The following CA8 variants were observed in gnomAD, a reference collection of about 807,000 sequenced individuals.
CA8 encodes carbonic anhydrase-related protein.
Under a neutral mutation model 41.4 loss-of-function variants are expected in CA8, and 22 were observed. The observed-to-expected ratio is 0.53, with a 90% confidence interval of 0.38 to 0.76. CA8 has a LOEUF of 0.76. Ranked by LOEUF, CA8 falls within the 30% of genes least tolerant of loss-of-function variation. The pLI is 0.00. For missense variants in CA8, 270 were observed against 352.8 expected (o/e 0.77, Z 1.88); for synonymous variants, 121 against 130.6 (o/e 0.93, Z 0.50).
intron 2 of CA8, among the ~76,000 whole-genome samples, chr8:60,269,864 G>A (rs978557285): frequency 1.8e-4 from 28 of 152,312 alleles, no homozygotes; most frequent in South Asian, 1.0e-3. Flanking sequence ...GGTAGCAGGA[G>A]GGCATCCAGC....
At chr8:60,223,072 T>G (rs980488804) in intron 6 of CA8, among the ~76,000 whole-genome samples, 1 of 152,252 alleles carries the variant, frequency 6.6e-6, no homozygotes, top group African/African-American at 2.4e-5. Flanking sequence ...ATTTACCTAT[T>G]TCATATCTAA....
intron 3 of CA8, among the ~76,000 whole-genome samples, chr8:60,246,994 C>T (rs1808267739): frequency 1.3e-5 from 2 of 151,040 alleles, no homozygotes; most frequent in Admixed American, 6.6e-5. Context: ...CGCCATTCTC[C>T]TGCCTCAGCC....
At chr8:60,238,498 T>A (rs532760984) in intron 3 of CA8, among the ~76,000 whole-genome samples, 1 of 151,966 alleles carries the variant, frequency 6.6e-6, no homozygotes, top group Admixed American at 6.5e-5. Flanking sequence ...ACATCAACCC[T>A]CTTCAAAGGA....
intron 8 of CA8, among the ~76,000 whole-genome samples, chr8:60,196,798 T>A (rs1806294199): frequency 6.6e-6 from 1 of 152,114 alleles, no homozygotes; most frequent in Non-Finnish European, 1.5e-5. Flanking sequence ...CATGTAAAAA[T>A]AGCCAGAAAA....
chr8:60,225,198 A>G (rs1369030582), intron 5 of CA8, among the ~76,000 whole-genome samples: 1 of 152,154 alleles, frequency 6.6e-6, no homozygotes, highest in Non-Finnish European at 1.5e-5. Flanking sequence ...AACAATTCAC[A>G]TTTAAGATCA....
chr8:60,199,845 AT>A (rs1806373329), intron 8 of CA8, among the ~76,000 whole-genome samples: 1 of 152,240 alleles, frequency 6.6e-6, no homozygotes, highest in South Asian at 2.1e-4. Flanking sequence ...ATGTACCAAC[AT>A]AAAAATATCT....
At chr8:60,230,079 C>T (rs1046336060) in intron 4 of CA8, among the ~76,000 whole-genome samples, 2 of 152,216 alleles carry the variant, frequency 1.3e-5, no homozygotes, top group African/African-American at 2.4e-5. Context: ...CCCACGTTTT[C>T]TTTGCTCTAT....
chr8:60,257,042 G>C (rs1352991145), intron 3 of CA8, among the ~76,000 whole-genome samples: 1 of 151,928 alleles, frequency 6.6e-6, no homozygotes, highest in Non-Finnish European at 1.5e-5. Flanking sequence ...GTGCAGTGGT[G>C]CAATCTCTGC....
chr8:60,206,282 A>G lies in CA8; in HGVS notation c.*35+2468T>C, dbSNP rs1419559750. ...TTGAAAAACTACACATTATTCATCTATCATATAAAGAATATGAAGTATGTG... is the reference window on the plus strand; with the variant it reads ...TTGAAAAACTACACATTATTCATCTGTCATATAAAGAATATGAAGTATGTG... On this transcript the variant is annotated intron_variant, in intron 8 of 8. Transcript: ENST00000317995. Among the ~76,000 whole-genome samples the G allele has an allele frequency of 3.3e-5, 5 of 152,154 alleles. No individual in the cohort carries two copies. In the East Asian group the frequency reaches 9.6e-4, roughly 29 times the overall value.
At chr8:60,234,033 TAACA>T (rs777702338) in intron 3 of CA8, among the ~76,000 whole-genome samples, 7 of 152,186 alleles carry the variant, frequency 4.6e-5, no homozygotes, top group Non-Finnish European at 1.0e-4. Context: ...TGGATAAACC[TAACA>T]AACACTATCT....
At position 60,281,250 on chromosome 8, in the gene CA8, A is replaced by G. The variant is rs10086341; in HGVS notation, c.-103T>C. ...GGAGCGCGCGTGGGGGAGTGTGAGC[A>G]CGCGTGAGCGGCAGTGTGAGTGCGA... On this transcript the variant is annotated 5_prime_UTR_variant, in exon 1 of 9. Transcript: ENST00000317995. 419,440 of 767,262 alleles carry G rather than the reference A, an allele frequency of 0.55. 118,227 individuals are homozygous for G. Among genetic ancestry groups the G allele is most frequent in the African/African-American group, 0.79 (45,432 of 57,274 alleles). 47.5% of individuals were successfully genotyped at this position (767,262 alleles called of 1,614,324 possible). A position where few individuals can be genotyped will look rare whatever the true frequency, so the allele number is the denominator to read the frequency against.
At chr8:60,230,329 T>C (rs1250367371) in intron 4 of CA8, among the ~76,000 whole-genome samples, 1 of 152,188 alleles carries the variant, frequency 6.6e-6, no homozygotes, top group Non-Finnish European at 1.5e-5. Flanking sequence ...ACACCCTCTC[T>C]TTCCAGTATT....
chr8:60,280,944 G>T, intron 1 of CA8, 104 bp downstream of exon 1: 2 of 814,308 alleles, frequency 2.5e-6, no homozygotes, highest in South Asian at 1.4e-5. Flanking sequence ...GAGGGGGCGT[G>T]GGGGTGCTCG....
chr8:60,266,119 T>C lies in CA8; in HGVS notation c.293-70A>G, dbSNP rs1398090561. 9 of 1,172,132 alleles carry C rather than the reference T, an allele frequency of 7.7e-6. No homozygotes were observed. In the East Asian group the frequency reaches 2.3e-4, roughly 30 times the overall value. 72.6% of individuals were successfully genotyped at this position (1,172,132 alleles called of 1,614,324 possible). ...CTCAGCATTATAAACATTAGAGACTTTTTTTTTTTCCACCAAAATGCTCTC... is the reference window on the plus strand; with the variant it reads ...CTCAGCATTATAAACATTAGAGACTCTTTTTTTTTCCACCAAAATGCTCTC... On this transcript the variant is annotated intron_variant, in intron 2 of 8. Coordinates refer to ENST00000317995, the MANE Select transcript of CA8 (RefSeq NM_004056.6).
intron 8 of CA8, among the ~76,000 whole-genome samples, chr8:60,206,295 T>A (rs985615260): frequency 6.6e-6 from 1 of 152,206 alleles, no homozygotes; most frequent in African/African-American, 2.4e-5. Flanking sequence ...ATATAAAGAA[T>A]ATGAAGTATG....
intron 8 of CA8, among the ~76,000 whole-genome samples, chr8:60,196,568 T>C (rs1296410009): frequency 1.3e-5 from 2 of 152,198 alleles, no homozygotes; most frequent in African/African-American, 2.4e-5. Context: ...TTAATAAGCA[T>C]AGACCTATGC....
At chr8:60,230,750 C>T (rs1165393999) in intron 4 of CA8, among the ~76,000 whole-genome samples, 3 of 152,166 alleles carry the variant, frequency 2.0e-5, no homozygotes, top group African/African-American at 4.8e-5. Context: ...CTTTCCCTTC[C>T]CTGCAATAAT....
At chr8:60,247,175 G>A (rs1177171841) in intron 3 of CA8, among the ~76,000 whole-genome samples, 2 of 152,034 alleles carry the variant, frequency 1.3e-5, no homozygotes, top group Non-Finnish European at 2.9e-5. Flanking sequence ...GAGCCACCAC[G>A]CCCAGCCAAT....
At chr8:60,207,308 A>C (rs1005413277) in intron 8 of CA8, among the ~76,000 whole-genome samples, 4 of 152,222 alleles carry the variant, frequency 2.6e-5, no homozygotes, top group African/African-American at 9.6e-5. Flanking sequence ...AAGTAACCCC[A>C]TTAGATCCAT....
Sources: allele counts gnomAD v4.1 joint callset (sites outside exome capture counted in the v4.1 genomes callset), GRCh38; gene constraint gnomAD v4.1.1; transcripts MANE v1.5; gene names NCBI Gene and HGNC (gene_info 2026-07-23, HGNC 2026-07-21).